The following BMPR1B variants were observed in gnomAD, a reference collection of about 807,000 sequenced individuals.
BMPR1B encodes the protein bone morphogenetic protein receptor type 1B.
Under a neutral mutation model 59.1 loss-of-function variants are expected in BMPR1B, and 12 were observed. The observed-to-expected ratio is 0.20, with a 90% CI of 0.13 to 0.33. BMPR1B has a LOEUF of 0.33. Among genes scored for constraint, BMPR1B ranks in the 10% least tolerant of loss-of-function variants. BMPR1B has a pLI of 1.00. For synonymous variants in BMPR1B, 237 were observed against 207.3 expected, an observed-to-expected ratio of 1.14 and a Z score of -1.23; for missense variants, 550 against 610.9, an observed-to-expected ratio of 0.90 and a Z score of 1.05.
intron 1 of BMPR1B, among the ~76,000 whole-genome samples, chr4:94,769,350 C>T (rs558761677): frequency 1.3e-5 from 2 of 152,280 alleles, no homozygotes; most frequent in South Asian, 4.1e-4. Context: ...GTGGCTCACG[C>T]CTGTAATCCT....
At chr4:94,895,964 A>G (rs1727570422) in intron 2 of BMPR1B, among the ~76,000 whole-genome samples, 1 of 151,988 alleles carries the variant, frequency 6.6e-6, no homozygotes, top group South Asian at 2.1e-4. Context: ...ATATACATAT[A>G]TATTTAATAC....
At chr4:94,911,298 G>A (rs78748905) in intron 2 of BMPR1B, among the ~76,000 whole-genome samples, 2,791 of 152,232 alleles carry the variant, frequency 0.018, 53 homozygotes, top group East Asian at 0.092. Flanking sequence ...GCAAGACATA[G>A]CAATTATTAA....
chr4:95,002,198 A>G (rs148078835), intron 3 of BMPR1B, among the ~76,000 whole-genome samples: 42 of 152,254 alleles, frequency 2.8e-4, no homozygotes, highest in African/African-American at 7.9e-4. Context: ...TGAGTTGCCA[A>G]TGTTTAGCTG....
At chr4:95,041,947 C>T (rs1031977996) in intron 3 of BMPR1B, among the ~76,000 whole-genome samples, 17 of 152,214 alleles carry the variant, frequency 1.1e-4, no homozygotes, top group East Asian at 3.9e-4. Context: ...CTCCACCTCC[C>T]GGAGCTTCAT....
intron 1 of BMPR1B, among the ~76,000 whole-genome samples, chr4:94,829,440 A>G (rs991406022): frequency 6.7e-6 from 1 of 150,334 alleles, no homozygotes; most frequent in Non-Finnish European, 1.5e-5. Context: ...TGCCTGGATG[A>G]TTTTTGTAGA....
At position 94,842,909 on chromosome 4, in the gene BMPR1B, C is replaced by CGG. The variant is rs1449643087; in HGVS notation, c.-182-32922_-182-32921insGG. On this transcript the variant is annotated intron_variant, in intron 1 of 12. Coordinates refer to ENST00000515059, the MANE Select transcript of BMPR1B (RefSeq NM_001203.3). ...TTTTGCGTATACCTACACATACACACTGTGTGTATGCATGTATGTATGTAT... is the reference window on the plus strand; with the variant it reads ...TTTTGCGTATACCTACACATACACACGGTGTGTGTATGCATGTATGTATGTAT... 8.2e-4 allele frequency among the ~76,000 whole-genome samples: 86 copies of CGG among 104,502 alleles called. 2 individuals are homozygous for CGG. The South Asian group carries it at 0.028, about 34-fold the overall frequency. 68.6% of individuals were successfully genotyped at this position (104,502 alleles called of 152,430 possible). A position where few individuals can be genotyped will look rare whatever the true frequency, so the allele number is the denominator to read the frequency against.
intron 1 of BMPR1B, among the ~76,000 whole-genome samples, chr4:94,865,389 T>G (rs1726177677): frequency 7.3e-6 from 1 of 136,330 alleles, no homozygotes; most frequent in Non-Finnish European, 1.5e-5. Flanking sequence ...TCATGCTGGG[T>G]TTTTTTTTTT....
At chr4:95,091,665 G>GA in intron 3 of BMPR1B, 1 of 856,530 alleles carries the variant, frequency 1.2e-6, no homozygotes, top group Non-Finnish European at 1.4e-6. Flanking sequence ...CACAGAGACT[G>GA]TTTTTTTTTT....
At chr4:95,145,011 C>G (rs1462747402) in intron 10 of BMPR1B, among the ~76,000 whole-genome samples, 1 of 152,022 alleles carries the variant, frequency 6.6e-6, no homozygotes, top group Non-Finnish European at 1.5e-5. Context: ...TTATACTATA[C>G]TTAGAAATAT....
chr4:94,783,652 C>T (rs915995973), intron 1 of BMPR1B, among the ~76,000 whole-genome samples: 5 of 152,170 alleles, frequency 3.3e-5, no homozygotes, highest in Admixed American at 1.3e-4. Flanking sequence ...ATGGTAGCCT[C>T]TGGTCTCCTT....
chr4:95,124,938 A>T, intron 7 of BMPR1B, 45 bp from the exon 8 acceptor site: 1 of 1,572,008 alleles, frequency 6.4e-7, no homozygotes, highest in Non-Finnish European at 8.8e-7. Context: ...TTACTCCATC[A>T]TTGCATTTCA....
intron 3 of BMPR1B, among the ~76,000 whole-genome samples, chr4:95,012,336 A>G (rs1219031188): frequency 2.0e-5 from 3 of 152,214 alleles, no homozygotes; most frequent in African/African-American, 4.8e-5. Flanking sequence ...GAACTGAGGG[A>G]TCAACTAAGC....
intron 1 of BMPR1B, among the ~76,000 whole-genome samples, chr4:94,790,238 T>C (rs542286619): frequency 5.9e-5 from 9 of 152,168 alleles, no homozygotes; most frequent in Non-Finnish European, 1.3e-4. Context: ...CGCATTGTTA[T>C]AGAGTCAGTT....
intron 2 of BMPR1B, among the ~76,000 whole-genome samples, chr4:94,932,860 G>T (rs1308560013): frequency 2.0e-5 from 3 of 152,082 alleles, no homozygotes; most frequent in Non-Finnish European, 4.4e-5. Flanking sequence ...TGTTTGATGA[G>T]AATATCACTC....
intron 1 of BMPR1B, among the ~76,000 whole-genome samples, chr4:94,776,584 G>T (rs1418467902): frequency 6.6e-6 from 1 of 152,186 alleles, no homozygotes; most frequent in South Asian, 2.1e-4. Context: ...ATGCGTTTTA[G>T]TTGTGGTAAG....
intron 3 of BMPR1B, among the ~76,000 whole-genome samples, chr4:95,030,959 A>C (rs1319293696): frequency 6.6e-6 from 1 of 152,056 alleles, no homozygotes; most frequent in Non-Finnish European, 1.5e-5. Context: ...GGTAATTTAT[A>C]GATTCAATGC....
rs1226530001 is a variant in BMPR1B, at chr4:95,111,221, A to G, written c.144-3499A>G. Among the ~76,000 whole-genome samples, 5 of 152,258 alleles carry G rather than the reference A, an allele frequency of 3.3e-5. No homozygotes were observed. In the East Asian group the frequency reaches 9.7e-4, roughly 29 times the overall value. ...ATCACTTGATTGAACAGAGCAGATA[A>G]ACTCTTTTTAACTAATACTTTAAAT... On this transcript the variant is annotated intron_variant, in intron 4 of 12. Coordinates refer to ENST00000515059, the MANE Select transcript of BMPR1B (RefSeq NM_001203.3).
chr4:95,149,286 G>C (rs1734863370), intron 11 of BMPR1B, among the ~76,000 whole-genome samples: 1 of 152,000 alleles, frequency 6.6e-6, no homozygotes, highest in East Asian at 1.9e-4. Flanking sequence ...TAGCTGCTGG[G>C]CCCCATCCCC....
chr4:95,054,087 T>A (rs993560179), intron 3 of BMPR1B, among the ~76,000 whole-genome samples: 1 of 152,200 alleles, frequency 6.6e-6, no homozygotes, highest in Admixed American at 6.5e-5. Context: ...TTAAAATAAA[T>A]GTCTTTCAAA....
Sources: gnomAD v4.1 joint callset for allele counts (sites outside exome capture counted in the v4.1 genomes callset) on GRCh38, gnomAD v4.1.1 for gene constraint, MANE v1.5 for transcripts, NCBI Gene and HGNC (gene_info 2026-07-23, HGNC 2026-07-21) for gene names.